Variants in NECAB1 observed in about 807,000 individuals in gnomAD.
The protein encoded by NECAB1 is N-terminal EF-hand calcium binding protein 1.
NECAB1 carries 29 observed loss-of-function variants against 57.5 expected under a neutral mutation model. The ratio of observed to expected loss-of-function variants is 0.50; its 90% CI spans 0.38 to 0.69. The LOEUF (loss-of-function observed/expected upper bound fraction) is 0.69. Among genes scored for constraint, NECAB1 ranks in the 30% least tolerant of loss-of-function variants. NECAB1 has a pLI of 0.00. For synonymous variants in NECAB1, 142 were observed against 147.7 expected (o/e 0.96, Z 0.28); for missense variants, 372 against 413.8 (o/e 0.90, Z 0.88).
intron 6 of NECAB1, 64 bp downstream of exon 6, chr8:90,917,692 G>A: frequency 6.7e-7 from 1 of 1,484,346 alleles, no homozygotes; most frequent in Non-Finnish European, 9.0e-7. Context: ...AAACAATTGA[G>A]AGGCATTGTA....
chr8:90,814,409 G>A (rs528140347), intron 2 of NECAB1, among the ~76,000 whole-genome samples: 3 of 152,240 alleles, frequency 2.0e-5, no homozygotes, highest in African/African-American at 7.2e-5. Context: ...TACTCTGTAG[G>A]AAAGTCACTA....
intron 6 of NECAB1, among the ~76,000 whole-genome samples, chr8:90,924,617 T>G (rs1354749496): frequency 6.6e-6 from 1 of 152,194 alleles, no homozygotes; most frequent in Non-Finnish European, 1.5e-5. Flanking sequence ...ACATATTAAG[T>G]GCATATTAAT....
intron 2 of NECAB1, among the ~76,000 whole-genome samples, chr8:90,811,871 A>G (rs761994255): frequency 6.6e-5 from 10 of 152,202 alleles, no homozygotes; most frequent in Non-Finnish European, 1.0e-4. Context: ...TGATTTATCA[A>G]CTAGTCACAT....
rs191367265 is a variant in NECAB1 at position 90,892,159 on chromosome 8, T to A, written c.357+11029T>A. Among the ~76,000 whole-genome samples the A allele has an allele frequency of 5.9e-4, 90 of 152,318 alleles. 2 individuals carry two copies. The highest frequency in any genetic ancestry group is 2.6e-4 in the Non-Finnish European group (18 of 68,026). ...GTTTTCTCAGGAGCATCAGAAGACA[T>A]AGCTTATCACTCTCTTCCTTACATG... On this transcript the variant is annotated intron_variant, in intron 5 of 12. Transcript: ENST00000417640.
chr8:90,949,196 G>GTGTC (rs1349057066), intron 10 of NECAB1, among the ~76,000 whole-genome samples: 2 of 113,736 alleles, frequency 1.8e-5, no homozygotes, highest in African/African-American at 6.9e-5. Flanking sequence ...GTGTGTGTGT[G>GTGTC]TCAGAGGGAG....
intron 5 of NECAB1, among the ~76,000 whole-genome samples, chr8:90,908,564 C>T (rs1038095385): frequency 1.1e-4 from 16 of 152,122 alleles, no homozygotes; most frequent in African/African-American, 3.9e-4. Flanking sequence ...TATCTGTCTA[C>T]TCCACAGCTC....
chr8:90,866,194 C>T (rs979211006), intron 3 of NECAB1, among the ~76,000 whole-genome samples: 4 of 152,118 alleles, frequency 2.6e-5, no homozygotes, highest in Non-Finnish European at 5.9e-5. Flanking sequence ...ATAATCTGCT[C>T]AAATTATCTT....
chr8:90,889,193 G>A (rs1263325685), intron 5 of NECAB1, among the ~76,000 whole-genome samples: 3 of 152,126 alleles, frequency 2.0e-5, no homozygotes. Flanking sequence ...GCCATTACCA[G>A]TTTCCAGGTA....
At chr8:90,941,080 TTAATCTTTAAACCCCGTGTCGTC>T (rs557325445) in intron 10 of NECAB1, among the ~76,000 whole-genome samples, 182 bp downstream of exon 10, 7 of 152,318 alleles carry the variant, frequency 4.6e-5, no homozygotes, top group South Asian at 4.1e-4. Flanking sequence ...TGTTTTCTCT[TTAATCTTTAAACCCCGTGTCGTC>T]TAATCTTTAA....
chr8:90,919,256 T>G (rs947615263), intron 6 of NECAB1, among the ~76,000 whole-genome samples: 2 of 152,162 alleles, frequency 1.3e-5, no homozygotes, highest in African/African-American at 4.8e-5. Flanking sequence ...GGGGCATATT[T>G]TGGCAGATGT....
intron 10 of NECAB1, among the ~76,000 whole-genome samples, chr8:90,941,132 A>G (rs1255154607): frequency 6.6e-6 from 1 of 152,164 alleles, no homozygotes; most frequent in Non-Finnish European, 1.5e-5. Flanking sequence ...TCGTCTGATC[A>G]TTGGGGCACC....
At chr8:90,882,740 C>T (rs1486465) in intron 5 of NECAB1, among the ~76,000 whole-genome samples, 37,630 of 151,870 alleles carry the variant, frequency 0.25, 5,399 homozygotes, top group East Asian at 0.5. Flanking sequence ...GCAATGTTTT[C>T]GTTGTTGTTT....
rs533581480 is a variant in NECAB1, at chr8:90,901,774, G to A, written c.358-15718G>A. 3.3e-5 allele frequency among the ~76,000 whole-genome samples: 5 copies of A among 152,136 alleles called. No individual in the cohort carries two copies. In the South Asian group the frequency reaches 6.2e-4, roughly 19 times the overall value. ...TTCTTGTCATTAATTGAATAGTATCGCTCTCTCACACTAACTTGAGCCTTG... is the reference window on the plus strand; with the variant it reads ...TTCTTGTCATTAATTGAATAGTATCACTCTCTCACACTAACTTGAGCCTTG... On this transcript the variant is annotated intron_variant, in intron 5 of 12. Coordinates refer to ENST00000417640, the MANE Select transcript of NECAB1 (RefSeq NM_022351.5).
At chr8:90,857,749 C>A (rs530634373) in intron 3 of NECAB1, among the ~76,000 whole-genome samples, 1 of 152,204 alleles carries the variant, frequency 6.6e-6, no homozygotes, top group East Asian at 1.9e-4. Context: ...AATTTATTTT[C>A]AATCTTTCAT....
intron 6 of NECAB1, among the ~76,000 whole-genome samples, chr8:90,923,006 A>C (rs1810165620): frequency 6.6e-6 from 1 of 152,188 alleles, no homozygotes; most frequent in Non-Finnish European, 1.5e-5. Flanking sequence ...AGGTGAATCT[A>C]GTGGAAATTG....
chr8:90,849,672 TA>T (rs1197581798), intron 3 of NECAB1, among the ~76,000 whole-genome samples: 1 of 145,858 alleles, frequency 6.9e-6, no homozygotes, highest in Admixed American at 6.9e-5. Context: ...TTTTTATGTT[TA>T]AAGTTTCCAG....
intron 5 of NECAB1, among the ~76,000 whole-genome samples, chr8:90,900,250 A>G (rs1364791744): frequency 6.6e-6 from 1 of 152,226 alleles, no homozygotes; most frequent in African/African-American, 2.4e-5. Flanking sequence ...CAGAACAAGC[A>G]TAATTCTGTG....
In NECAB1 at chr8:90,917,968, G is replaced by A. The variant is rs1057412584; in HGVS notation, c.494+340G>A. Among the ~76,000 whole-genome samples, 61 of 65,744 alleles carry A rather than the reference G, an allele frequency of 9.3e-4. 1 individual carries two copies. The highest frequency in any genetic ancestry group is 4.8e-3 in the East Asian group (5 of 1,050). The allele number at this position is 65,744 out of a possible 152,430, so 43.1% of individuals were successfully genotyped here. ...TATATATATACACACACACATATGT[G>A]TGTGTGTGTATATATATACATATAT... On this transcript the variant is annotated intron_variant, in intron 6 of 12. Coordinates refer to ENST00000417640, the MANE Select transcript of NECAB1 (RefSeq NM_022351.5).
chr8:90,801,669 T>G (rs1811760771), intron 1 of NECAB1, 22 bp from the exon 2 acceptor site: 2 of 1,497,076 alleles, frequency 1.3e-6, no homozygotes, highest in Non-Finnish European at 1.8e-6. Flanking sequence ...GCTGATAAAA[T>G]TTTTTCCTTT....
Sources: gnomAD v4.1 joint callset for allele counts (sites outside exome capture counted in the v4.1 genomes callset) on GRCh38, gnomAD v4.1.1 for gene constraint, MANE v1.5 for transcripts, NCBI Gene and HGNC (gene_info 2026-07-23, HGNC 2026-07-21) for gene names.